Variants in PRKCE observed in about 807,000 individuals in gnomAD.
The protein encoded by PRKCE is protein kinase C epsilon type.
In PRKCE, 16 loss-of-function variants were observed where a neutral mutation model predicts 85.4. That is an observed-to-expected ratio of 0.19 (90% confidence interval 0.13 to 0.28). PRKCE has a LOEUF of 0.28. Ranked by LOEUF, PRKCE falls within the 10% of genes least tolerant of loss-of-function variation. The pLI, the probability that PRKCE is intolerant of heterozygous loss-of-function variation, is 1.00. For missense variants in PRKCE, 573 were observed against 975.2 expected (o/e 0.59, Z 5.49); for synonymous variants, 388 against 371.5 (o/e 1.04, Z -0.51).
chr2:46,150,546 A>AGG (rs1676521650), intron 12 of PRKCE, among the ~76,000 whole-genome samples: 1 of 152,216 alleles, frequency 6.6e-6, no homozygotes, highest in African/African-American at 2.4e-5. Context: ...CCAGGAGCAC[A>AGG]GGGCTCAGGT....
intron 11 of PRKCE, among the ~76,000 whole-genome samples, chr2:46,101,116 G>A (rs1223239866): frequency 6.6e-6 from 1 of 152,200 alleles, no homozygotes; most frequent in South Asian, 2.1e-4. Flanking sequence ...TGATCTGTCC[G>A]CCTTGGCCTC....
intron 1 of PRKCE, among the ~76,000 whole-genome samples, chr2:45,797,851 AG>A (rs1354040057): frequency 6.6e-6 from 1 of 152,206 alleles, no homozygotes; most frequent in Non-Finnish European, 1.5e-5. Context: ...GTAAAGGTTG[AG>A]GGGATCCAGG....
At chr2:45,751,654 C>T (rs1044155875) in intron 1 of PRKCE, among the ~76,000 whole-genome samples, 2 of 152,046 alleles carry the variant, frequency 1.3e-5, no homozygotes, top group Non-Finnish European at 2.9e-5. Flanking sequence ...ATGATTAATA[C>T]ATACCCAATA....
At chr2:45,886,092 C>T (rs530004634) in intron 2 of PRKCE, among the ~76,000 whole-genome samples, 15 of 152,332 alleles carry the variant, frequency 9.8e-5, no homozygotes, top group Non-Finnish European at 1.5e-4. Flanking sequence ...ACTGACCCCA[C>T]GTTTGCTGGC....
intron 2 of PRKCE, among the ~76,000 whole-genome samples, chr2:45,858,113 G>C (rs1197119512): frequency 2.0e-5 from 3 of 152,186 alleles, no homozygotes; most frequent in African/African-American, 7.2e-5. Flanking sequence ...AGAGTGGCTG[G>C]AGCTTAGAAG....
At chr2:46,081,545 C>T (rs11679702) in intron 10 of PRKCE, among the ~76,000 whole-genome samples, 50,206 of 151,834 alleles carry the variant, frequency 0.33, 9,701 homozygotes, top group African/African-American at 0.53. Context: ...GAGTGTAGCA[C>T]GTCACAGGGG....
At chr2:46,038,124 G>T (rs1249674238) in intron 10 of PRKCE, among the ~76,000 whole-genome samples, 1 of 152,062 alleles carries the variant, frequency 6.6e-6, no homozygotes, top group African/African-American at 2.4e-5. Flanking sequence ...CCTGGCTGGG[G>T]GCCCTTCCTC....
intron 14 of PRKCE, among the ~76,000 whole-genome samples, chr2:46,166,013 C>T (rs1161749416): frequency 2.6e-5 from 4 of 152,214 alleles, no homozygotes; most frequent in African/African-American, 7.2e-5. Context: ...TAGGTGAGCC[C>T]TCAGGCCCGG....
intron 1 of PRKCE, among the ~76,000 whole-genome samples, chr2:45,721,706 T>C (rs1680634486): frequency 6.6e-6 from 1 of 151,788 alleles, no homozygotes; most frequent in Non-Finnish European, 1.5e-5. Flanking sequence ...CTAAACCCCA[T>C]CTCCACAAAA....
intron 1 of PRKCE, among the ~76,000 whole-genome samples, chr2:45,753,107 A>G (rs1265108722): frequency 1.3e-5 from 2 of 152,118 alleles, no homozygotes; most frequent in African/African-American, 2.4e-5. Flanking sequence ...ATGCATGTAT[A>G]TACCGCTGTC....
intron 2 of PRKCE, among the ~76,000 whole-genome samples, chr2:45,906,917 G>C (rs1285086388): frequency 6.6e-6 from 1 of 152,190 alleles, no homozygotes; most frequent in Non-Finnish European, 1.5e-5. Flanking sequence ...TGTTTCATGG[G>C]CTTCTCCTGC....
In PRKCE at chr2:45,944,480, A is replaced by G. The variant is rs548522406; in HGVS notation, c.413-31949A>G. Among the ~76,000 whole-genome samples the G allele has an allele frequency of 2.1e-4, 32 of 151,984 alleles. No homozygotes were observed. In the South Asian group the frequency reaches 6.1e-3, roughly 29 times the overall value. On this transcript the variant is annotated intron_variant, in intron 2 of 14. Coordinates refer to ENST00000306156, the MANE Select transcript of PRKCE (RefSeq NM_005400.3). ...TTTTACTTTATGTAAATTCGTCCTC[A>G]ATTTATTTTTATGTATTTAGTTTTT...
chr2:45,868,214 CTTTTTT>C (rs777188116), intron 2 of PRKCE, among the ~76,000 whole-genome samples: 3 of 79,854 alleles, frequency 3.8e-5, no homozygotes, highest in Non-Finnish European at 6.8e-5. Context: ...TGTAACGGAG[CTTTTTT>C]TTTTTTTTTT....
intron 12 of PRKCE, among the ~76,000 whole-genome samples, chr2:46,149,975 G>A (rs1676457159): frequency 6.6e-6 from 1 of 151,586 alleles, no homozygotes; most frequent in South Asian, 2.1e-4. Flanking sequence ...TTCCACCTCA[G>A]CCTTCTGAGA....
chr2:46,174,600 C>T (rs961130186), intron 14 of PRKCE, among the ~76,000 whole-genome samples: 24 of 152,134 alleles, frequency 1.6e-4, no homozygotes, highest in African/African-American at 5.1e-4. Flanking sequence ...GTTCCCGGTG[C>T]GCCCAGGCTC....
chr2:45,909,333 G>C (rs1697211481), intron 2 of PRKCE, among the ~76,000 whole-genome samples: 1 of 151,546 alleles, frequency 6.6e-6, no homozygotes, highest in South Asian at 2.1e-4. Flanking sequence ...GCACCAGAAG[G>C]GGGATGTGGA....
intron 1 of PRKCE, among the ~76,000 whole-genome samples, chr2:45,744,919 T>G (rs935646924): frequency 6.6e-6 from 1 of 152,180 alleles, no homozygotes; most frequent in Non-Finnish European, 1.5e-5. Flanking sequence ...ATTTGCCTAG[T>G]TTTTCAATCC....
chr2:45,951,383 C>T (rs1457266234), intron 2 of PRKCE, among the ~76,000 whole-genome samples: 1 of 152,202 alleles, frequency 6.6e-6, no homozygotes, highest in Non-Finnish European at 1.5e-5. Context: ...AGGTAGGTCC[C>T]TCTGTCTTGC....
intron 1 of PRKCE, among the ~76,000 whole-genome samples, chr2:45,739,647 C>A (rs1329846432): frequency 6.6e-6 from 1 of 151,990 alleles, no homozygotes; most frequent in Non-Finnish European, 1.5e-5. Context: ...CTGGAGAAGA[C>A]AAAATTCTAG....
Sources: allele counts gnomAD v4.1 joint callset (sites outside exome capture counted in the v4.1 genomes callset), GRCh38; gene constraint gnomAD v4.1.1; transcripts MANE v1.5; gene names NCBI Gene and HGNC (gene_info 2026-07-23, HGNC 2026-07-21).